Variants in DGKH observed in about 807,000 individuals in gnomAD.
DGKH encodes the protein diacylglycerol kinase eta.
A neutral mutation model predicts 159.3 loss-of-function variants in DGKH; 90 were observed. The ratio of observed to expected loss-of-function variants is 0.57; its 90% CI spans 0.48 to 0.67. DGKH has a LOEUF of 0.67. DGKH is among the 30% of genes least tolerant of loss of function. The pLI is 0.00. For missense variants in DGKH, 1,181 were observed against 1,506.1 expected, an observed-to-expected ratio of 0.78 and a Z score of 3.57; for synonymous variants, 536 against 553.8, an observed-to-expected ratio of 0.97 and a Z score of 0.45.
At chr13:42,192,516 A>C (rs4941418) in intron 16 of DGKH, among the ~76,000 whole-genome samples, 52,153 of 151,166 alleles carry the variant, frequency 0.35, 10,378 homozygotes, top group East Asian at 0.51. Context: ...GAGGACTCTG[A>C]CTCTGGAGCT....
rs1277754373 is a variant in DGKH at position 42,242,361 on chromosome 13, A to G, written c.*13173A>G. On this transcript the variant is annotated 3_prime_UTR_variant, in exon 30 of 30. Coordinates refer to ENST00000337343, the MANE Select transcript of DGKH (RefSeq NM_178009.5). ...CACTTGTGTCTGAAAGATGCAGATA[A>G]TATCTATCTATTTATTACACAGTGG... 1 of 152,220 alleles carries G rather than the reference A, an allele frequency of 6.6e-6. No homozygotes were observed. The highest frequency in any genetic ancestry group is 1.5e-5 in the Non-Finnish European group (1 of 68,038). 9.4% of individuals were successfully genotyped at this position (152,220 alleles called of 1,614,324 possible).
intron 1 of DGKH, among the ~76,000 whole-genome samples, chr13:42,075,011 T>C (rs1480626499): frequency 6.6e-6 from 1 of 152,190 alleles, no homozygotes; most frequent in Non-Finnish European, 1.5e-5. Flanking sequence ...TTTATGCCTT[T>C]TATACTTACT....
intron 1 of DGKH, chr13:42,070,885 C>T (rs4641628): frequency 4.6e-6 from 6 of 1,293,642 alleles, no homozygotes; most frequent in Non-Finnish European, 6.7e-6. Flanking sequence ...GTCAAGTCTT[C>T]TAATAATCTT....
chr13:42,050,586 T>A (rs1881202665), intron 1 of DGKH, among the ~76,000 whole-genome samples: 1 of 152,202 alleles, frequency 6.6e-6, no homozygotes, highest in Non-Finnish European at 1.5e-5. Flanking sequence ...AGATTAAGGC[T>A]TTTACAAAGT....
At chr13:42,185,628 T>C (rs1407267040) in intron 13 of DGKH, among the ~76,000 whole-genome samples, 1 of 152,210 alleles carries the variant, frequency 6.6e-6, no homozygotes, top group Non-Finnish European at 1.5e-5. Flanking sequence ...GGAAGATGCA[T>C]CAATGCTCCT....
At chr13:42,215,736 A>G in intron 26 of DGKH, 69 bp downstream of exon 26, 1 of 1,380,838 alleles carries the variant, frequency 7.2e-7, no homozygotes, top group Middle Eastern at 1.8e-4. Context: ...TTCATTGGGG[A>G]ACAGGCATTT....
At chr13:42,076,576 CT>C (rs1954105041) in intron 1 of DGKH, among the ~76,000 whole-genome samples, 1 of 152,122 alleles carries the variant, frequency 6.6e-6, no homozygotes, top group Non-Finnish European at 1.5e-5. Context: ...AATCTTACTG[CT>C]ATTCAAGTTT....
At chr13:42,063,713 G>T (rs1882350066) in intron 1 of DGKH, among the ~76,000 whole-genome samples, 1 of 152,170 alleles carries the variant, frequency 6.6e-6, no homozygotes, top group African/African-American at 2.4e-5. Context: ...GCTGAGGCGG[G>T]TGGGTCACCT....
intron 1 of DGKH, among the ~76,000 whole-genome samples, chr13:42,083,513 T>C (rs1255409141): frequency 6.6e-6 from 1 of 152,258 alleles, no homozygotes; most frequent in Non-Finnish European, 1.5e-5. Flanking sequence ...TGCAGGAAGT[T>C]CTGGCGGGGT....
intron 2 of DGKH, among the ~76,000 whole-genome samples, chr13:42,128,238 C>T (rs902500126): frequency 2.0e-5 from 3 of 151,948 alleles, no homozygotes; most frequent in African/African-American, 7.3e-5. Flanking sequence ...TGTAAAAACT[C>T]GTATTTTAGT....
chr13:42,160,112 G>T lies in DGKH; in HGVS notation c.831G>T (p.Trp277Cys), dbSNP rs1420343125. 1 of 1,614,228 alleles carries T rather than the reference G, an allele frequency of 6.2e-7. No individual in the cohort carries two copies. Among genetic ancestry groups the T allele is most frequent in the Admixed American group, 1.7e-5 (1 of 60,026 alleles). Residue 277 changes from tryptophan (W) to cysteine (C), a missense_variant, in exon 7 of 30, where the codon TGG becomes TGT. Trp to Cys is a radical substitution (Grantham distance 215). This residue lies in a region of DGKH where 369 missense variants were observed against 519.4 expected (regional missense o/e 0.71). Coordinates refer to ENST00000337343, the MANE Select transcript of DGKH (RefSeq NM_178009.5). Reference sequence around the variant, plus strand: ...GCAGTGTTCTCCGTCTACAGGATTGGAAATGCCTTTGGTGTAAGACAATGG... The same window carrying T: ...GCAGTGTTCTCCGTCTACAGGATTGTAAATGCCTTTGGTGTAAGACAATGG... ...TCGSVLRLQD[W>C]KCLWCKTMVH...
intron 13 of DGKH, among the ~76,000 whole-genome samples, chr13:42,186,608 T>C (rs1956933810): frequency 1.3e-5 from 2 of 152,222 alleles, no homozygotes; most frequent in South Asian, 4.1e-4. Context: ...AATAATATAT[T>C]GTAACTGTAA....
At chr13:42,049,345 C>G (rs1169650585) in intron 1 of DGKH, among the ~76,000 whole-genome samples, 1 of 152,160 alleles carries the variant, frequency 6.6e-6, no homozygotes, top group Non-Finnish European at 1.5e-5. Flanking sequence ...AAAAAGCTGA[C>G]GCGCAGTCGC....
At chr13:42,207,721 A>ATATATATATAT (rs1291631129) in intron 21 of DGKH, among the ~76,000 whole-genome samples, 1 of 145,174 alleles carries the variant, frequency 6.9e-6, no homozygotes, top group African/African-American at 2.6e-5. Context: ...ATATATCAGT[A>ATATATATATAT]AAAATGAGAA....
downstream of DGKH, among the ~76,000 whole-genome samples, chr13:42,244,793 ACTT>A (rs1958565434): frequency 6.7e-6 from 1 of 148,292 alleles, no homozygotes; most frequent in Admixed American, 6.8e-5. Context: ...AGTCCCAGCT[ACTT>A]GGGAGGCTGA....
chr13:42,200,718 G>A (rs981366513), intron 20 of DGKH, among the ~76,000 whole-genome samples: 11 of 152,092 alleles, frequency 7.2e-5, no homozygotes, highest in South Asian at 2.1e-4. Context: ...GAGGTGTCTC[G>A]CTCATTCTTT....
At chr13:42,040,852 C>T (rs990414583) in intron 1 of DGKH, among the ~76,000 whole-genome samples, 1 of 146,684 alleles carries the variant, frequency 6.8e-6, no homozygotes, top group African/African-American at 2.4e-5. Context: ...GGTCTGCGCG[C>T]CCGGGCGGCC....
At position 42,117,691 on chromosome 13, in the gene DGKH, G is replaced by GAGATTA. The variant is rs529443249; in HGVS notation, c.193-9770_193-9765dup. Among the ~76,000 whole-genome samples the GAGATTA allele has an allele frequency of 3.1e-3, 478 of 152,140 alleles. 2 individuals carry two copies. Among genetic ancestry groups the GAGATTA allele is most frequent in the African/African-American group, 0.011 (466 of 41,508 alleles). ...TACACCACAGCCTCACACATCACAG[G>GAGATTA]AGATTAATACATGCTTATGTAAGAT... On this transcript the variant is annotated intron_variant, in intron 1 of 29. Coordinates refer to ENST00000337343, the MANE Select transcript of DGKH (RefSeq NM_178009.5).
At chr13:42,218,475 A>T (rs1027799045) in intron 26 of DGKH, among the ~76,000 whole-genome samples, 1 of 146,506 alleles carries the variant, frequency 6.8e-6, no homozygotes, top group Admixed American at 6.8e-5. Flanking sequence ...TAACCAGTTT[A>T]AAAAGTATTA....
Sources: allele counts gnomAD v4.1 joint callset (sites outside exome capture counted in the v4.1 genomes callset), GRCh38; gene constraint gnomAD v4.1.1; regional missense constraint gnomAD v4.1.1; transcripts MANE v1.5; gene names NCBI Gene and HGNC (gene_info 2026-07-23, HGNC 2026-07-21).